Variants in ZNF397 observed in about 807,000 individuals in gnomAD.
The protein encoded by ZNF397 is zinc finger and SCAN domain-containing protein 15.
Under a neutral mutation model 50.6 loss-of-function variants are expected in ZNF397, and 38 were observed. The ratio of observed to expected loss-of-function variants is 0.75; its 90% CI spans 0.58 to 0.98. The LOEUF (loss-of-function observed/expected upper bound fraction) is 0.98, where lower values mean the gene tolerates loss of function less well. Among genes scored for constraint, ZNF397 ranks in the 50% least tolerant of loss-of-function variants. The pLI, the probability that ZNF397 is intolerant of heterozygous loss-of-function variation, is 0.00. For missense variants in ZNF397, 624 were observed against 624.1 expected, an observed-to-expected ratio of 1.00 and a Z score of 0.00; for synonymous variants, 228 against 215.2, an observed-to-expected ratio of 1.06 and a Z score of -0.52.
At position 35,248,423 on chromosome 18, in the gene ZNF397, CTCTTGTT is replaced by C. The variant is rs2043517070; in HGVS notation, c.*2115_*2121del. 1 of 152,158 alleles carries C rather than the reference CTCTTGTT, an allele frequency of 6.6e-6. No homozygotes were observed. Among genetic ancestry groups the C allele is most frequent in the African/African-American group, 2.4e-5 (1 of 41,432 alleles). 9.4% of individuals were successfully genotyped at this position (152,158 alleles called of 1,614,324 possible). On this transcript the variant is annotated 3_prime_UTR_variant, in exon 4 of 4. Transcript: ENST00000330501. ...AAAATACGTGGTAAGAGCTACTCAA[CTCTTGTT>C]TTTCTCCTTTTCCATAGATAAAGAC...
rs1025349135 is a variant in ZNF397, at chr18:35,249,210, G to A, written c.*2900G>A. ...GATTCAGGGACATTGGGACTCTAATGCTGCTGGTAAGACATGAATAAATAC... is the reference window on the plus strand; with the variant it reads ...GATTCAGGGACATTGGGACTCTAATACTGCTGGTAAGACATGAATAAATAC... On this transcript the variant is annotated 3_prime_UTR_variant, in exon 4 of 4. Coordinates refer to ENST00000330501, the MANE Select transcript of ZNF397 (RefSeq NM_001135178.3). The A allele has an allele frequency of 3.3e-5, 5 of 152,180 alleles. No individual in the cohort carries two copies. Among genetic ancestry groups the A allele is most frequent in the African/African-American group, 1.2e-4 (5 of 41,432 alleles). 9.4% of individuals were successfully genotyped at this position (152,180 alleles called of 1,614,324 possible).
chr18:35,255,507 C>A (rs1431337055), intron 5 of ZNF397, among the ~76,000 whole-genome samples: 1 of 151,982 alleles, frequency 6.6e-6, no homozygotes, highest in Non-Finnish European at 1.5e-5. Context: ...TTCTTAACAT[C>A]AAAACTTGTA....
At chr18:35,250,379 C>CAGGTG (rs2043557500), downstream of ZNF397, among the ~76,000 whole-genome samples, 1 of 152,166 alleles carries the variant, frequency 6.6e-6, no homozygotes, top group Non-Finnish European at 1.5e-5. Flanking sequence ...TCGTCTTCAC[C>CAGGTG]ACTCTTGCTT....
At chr18:35,258,940 TTG>T (rs1332779016), downstream of ZNF397, 1 of 147,010 alleles carries the variant, frequency 6.8e-6, no homozygotes, top group Non-Finnish European at 1.5e-5. Context: ...CAAGTATAGA[TTG>T]TGTTTTATGA....
downstream of ZNF397, chr18:35,253,719 T>C (rs909774961): frequency 6.2e-7 from 1 of 1,614,144 alleles, no homozygotes; most frequent in Non-Finnish European, 8.5e-7. Flanking sequence ...CCAGTGTGAA[T>C]TTTCTTATGC....
At position 35,246,210 on chromosome 18, in the gene ZNF397, T is replaced by C. The variant is rs867480841; in HGVS notation, c.1505T>C (p.Ile502Thr). ...TCAGCCCTTGTTCAGCATCAGAGAA[T>C]TCATTCTGGGGATGAAGCTTATATA... ...RSSALVQHQR[I>T]HSGDEAYICN... Residue 502 changes from isoleucine (I) to threonine (T), a missense_variant, in exon 4 of 4, where the codon ATT becomes ACT. Physicochemically the swap from Ile to Thr is moderately conservative, Grantham distance 89 (BLOSUM62 -1). Transcript: ENST00000330501. 22 of 1,551,994 alleles carry C rather than the reference T, an allele frequency of 1.4e-5. No individual in the cohort carries two copies. In the African/African-American group the frequency reaches 3.0e-4, roughly 21 times the overall value.
intron 2 of ZNF397, 26 bp downstream of exon 2, chr18:35,242,910 GA>G: frequency 6.4e-7 from 1 of 1,572,046 alleles, no homozygotes; most frequent in Non-Finnish European, 8.6e-7. Flanking sequence ...AGTGATGTGG[GA>G]AAAGGAATTT....
In ZNF397 at chr18:35,248,093, C is replaced by G. The variant is rs549380445; in HGVS notation, c.*1783C>G. On this transcript the variant is annotated 3_prime_UTR_variant, in exon 4 of 4. Transcript: ENST00000330501. ...CAGGAAGAGAATATTTAGACTGATG[C>G]TTAGTGTAAGAAGGAATGTTGTACA... 5 of 152,294 alleles carry G rather than the reference C, an allele frequency of 3.3e-5. No individual in the cohort carries two copies. Among genetic ancestry groups the G allele is most frequent in the Admixed American group, 6.5e-5 (1 of 15,302 alleles). The allele number at this position is 152,294 out of a possible 1,614,324, so 9.4% of individuals were successfully genotyped here. A position where few individuals can be genotyped will look rare whatever the true frequency, so the allele number is the denominator to read the frequency against.
At chr18:35,251,043 GAATA>G (rs2043573858), downstream of ZNF397, 2 of 152,156 alleles carry the variant, frequency 1.3e-5, no homozygotes, top group African/African-American at 4.8e-5. Flanking sequence ...ATTCCTGAAT[GAATA>G]ATTTCAAAGC....
downstream of ZNF397, chr18:35,254,130 C>CT: frequency 6.2e-7 from 1 of 1,614,144 alleles, no homozygotes; most frequent in South Asian, 1.1e-5. Flanking sequence ...ACACTGTGTT[C>CT]TGTGGGGATT....
At chr18:35,253,736 A>T, downstream of ZNF397, 1 of 1,614,162 alleles carries the variant, frequency 6.2e-7, no homozygotes, top group Non-Finnish European at 8.5e-7. Flanking sequence ...ATGCTGAATA[A>T]GGGCTGAGCT....
At chr18:35,241,301 C>A (rs369971114) in intron 1 of ZNF397, 192 bp downstream of exon 1, 1 of 152,222 alleles carries the variant, frequency 6.6e-6, no homozygotes, top group Non-Finnish European at 1.5e-5. Flanking sequence ...AACGCAGTTC[C>A]GCTGACCCCG....
rs1217664845 is a variant in ZNF397 at position 35,247,072 on chromosome 18, T to G, written c.*762T>G. 1.0e-6 allele frequency: 1 copy of G among 983,194 alleles called. No individual in the cohort carries two copies. The highest frequency in any genetic ancestry group is 1.7e-5 in the African/African-American group (1 of 57,170). The allele number at this position is 983,194 out of a possible 1,614,324, so 60.9% of individuals were successfully genotyped here. On this transcript the variant is annotated 3_prime_UTR_variant, in exon 4 of 4. Transcript: ENST00000330501. ...TAGCCAAGGTGGTACTCTAGGGAAG[T>G]GGTACCCCAGTAAAGAACAGTAGCC...
Position 35,245,333 on chromosome 18 carries a change from C to G in ZNF397, c.628C>G (p.Pro210Ala), listed in dbSNP as rs896822887. The change falls in exon 4 of 4, where the codon CCT becomes GCT. Residue 210 changes from proline (P) to alanine (A), a missense_variant. Pro to Ala is a conservative substitution (Grantham distance 27, BLOSUM62 -1). Transcript: ENST00000330501. ...AAAATCACAGGGACTCCCTCAGGAA[C>G]CTTCATTTCGAGGAATTAGTGAGCA... ...EEKSQGLPQEPSFRGISEHES... is the reference protein window; with the variant it reads ...EEKSQGLPQEASFRGISEHES... 30 of 1,613,058 alleles carry G rather than the reference C, an allele frequency of 1.9e-5. No individual in the cohort carries two copies. The highest frequency in any genetic ancestry group is 2.5e-5 in the Non-Finnish European group (29 of 1,179,452).
chr18:35,254,572 T>G, downstream of ZNF397: 4 of 953,458 alleles, frequency 4.2e-6, no homozygotes, highest in Non-Finnish European at 6.2e-6. Flanking sequence ...GAGAGTAAGG[T>G]AGACAAAGAA....
At position 35,246,168 on chromosome 18, in the gene ZNF397, A is replaced by G. The variant is rs920064748; in HGVS notation, c.1463A>G (p.Lys488Arg). 1 of 1,551,996 alleles carries G rather than the reference A, an allele frequency of 6.4e-7. No homozygotes were observed. The highest frequency in any genetic ancestry group is 1.2e-5 in the South Asian group (1 of 84,060). ...EEPYQCNECG[K>R]TFKRSSALVQ... ...CCTTATCAGTGTAATGAATGTGGCA[A>G]AACTTTCAAAAGGAGCTCAGCCCTT... The change falls in exon 4 of 4, where the codon AAA becomes AGA. Residue 488 changes from lysine (K) to arginine (R), a missense_variant. Physicochemically the swap from Lys to Arg is conservative, Grantham distance 26. Coordinates refer to ENST00000330501, the MANE Select transcript of ZNF397 (RefSeq NM_001135178.3).
downstream of ZNF397, chr18:35,252,891 G>A (rs1243434509): frequency 6.5e-6 from 1 of 153,386 alleles, no homozygotes; most frequent in African/African-American, 2.4e-5. Context: ...GGATTGAGGA[G>A]ACAACTGGCA....
chr18:35,251,923 A>G (rs912563294), downstream of ZNF397: 1 of 152,156 alleles, frequency 6.6e-6, no homozygotes, highest in African/African-American at 2.4e-5. Context: ...ATCTTAGAAG[A>G]GGAATCAAAC....
Position 35,246,191 on chromosome 18 carries a change from C to T in ZNF397, c.1486C>T (p.Leu496Phe). 1 of 1,551,960 alleles carries T rather than the reference C, an allele frequency of 6.4e-7. No homozygotes were observed. The highest frequency in any genetic ancestry group is 8.7e-7 in the Non-Finnish European group (1 of 1,147,046). Reference protein sequence around the residue: ...CGKTFKRSSALVQHQRIHSGD... With the variant: ...CGKTFKRSSAFVQHQRIHSGD... ...CAAAACTTTCAAAAGGAGCTCAGCC[C>T]TTGTTCAGCATCAGAGAATTCATTC... The change falls in exon 4 of 4, where the codon CTT becomes TTT. Residue 496 changes from leucine to phenylalanine, a missense_variant. Leu to Phe is a conservative substitution (Grantham distance 22). Coordinates refer to ENST00000330501, the MANE Select transcript of ZNF397 (RefSeq NM_001135178.3).
Sources: allele counts gnomAD v4.1 joint callset (sites outside exome capture counted in the v4.1 genomes callset), GRCh38; gene constraint gnomAD v4.1.1; transcripts MANE v1.5; gene names NCBI Gene and HGNC (gene_info 2026-07-23, HGNC 2026-07-21).